The following RXRG variants were observed in gnomAD, a reference collection of about 807,000 sequenced individuals.
The protein encoded by RXRG is retinoid X receptor gamma.
A neutral mutation model predicts 49.2 loss-of-function variants in RXRG; 19 were observed. That is an observed-to-expected ratio of 0.39 (90% CI 0.27 to 0.57). RXRG has a LOEUF of 0.57. RXRG is among the 20% of genes least tolerant of loss of function. The probability of loss-of-function intolerance (pLI) is 0.64; values close to 1 mark genes in which losing one functional copy is unlikely to be tolerated. For missense variants in RXRG, 452 were observed against 592.5 expected, an observed-to-expected ratio of 0.76 and a Z score of 2.46; for synonymous variants, 224 against 216.6, an observed-to-expected ratio of 1.03 and a Z score of -0.30.
chr1:165,430,348 A>C lies in RXRG; in HGVS notation c.50-1382T>G, dbSNP rs143630719. On this transcript the variant is annotated intron_variant, in intron 1 of 9. Transcript: ENST00000359842. ...CTTTGGGCAACATCAGTGGGTGCTA[A>C]GTGTAATGTCAGGAGTAGGATGCTA... is the stretch of plus-strand genomic sequence containing the variant. Among the ~76,000 whole-genome samples the C allele has an allele frequency of 4.8e-3, 738 of 152,354 alleles. 5 individuals carry two copies. The highest frequency in any genetic ancestry group is 0.017 in the African/African-American group (707 of 41,586).
At chr1:165,415,446 C>T (rs1188675274) in intron 4 of RXRG, among the ~76,000 whole-genome samples, 2 of 152,172 alleles carry the variant, frequency 1.3e-5, no homozygotes, top group Non-Finnish European at 2.9e-5. Flanking sequence ...TTCAAAGCCT[C>T]CCTCTGGCTA....
chr1:165,409,449 A>C, intron 7 of RXRG, 109 bp downstream of exon 7: 1 of 1,237,364 alleles, frequency 8.1e-7, no homozygotes, highest in African/African-American at 1.6e-5. Context: ...CACTACCCAG[A>C]GGTTCATGCC....
At chr1:165,406,947 T>C (rs756713103) in intron 8 of RXRG, 30 bp from the exon 9 acceptor site, 3 of 1,485,874 alleles carry the variant, frequency 2.0e-6, no homozygotes, top group African/African-American at 2.8e-5. Flanking sequence ...TAGCCTTTGA[T>C]TACACACCCT....
At chr1:165,413,484 AG>A (rs1405482011) in intron 4 of RXRG, among the ~76,000 whole-genome samples, 6 of 152,220 alleles carry the variant, frequency 3.9e-5, no homozygotes, top group Admixed American at 1.3e-4. Context: ...GGCATGTGGT[AG>A]GCCATGATGG....
chr1:165,415,700 G>A (rs1393750622), intron 4 of RXRG, among the ~76,000 whole-genome samples: 2 of 152,168 alleles, frequency 1.3e-5, no homozygotes, highest in Non-Finnish European at 2.9e-5. Context: ...GAAAATAAGT[G>A]GCCATTTCCT....
intron 4 of RXRG, among the ~76,000 whole-genome samples, chr1:165,413,202 C>T (rs1223874771): frequency 6.6e-6 from 1 of 152,130 alleles, no homozygotes; most frequent in Non-Finnish European, 1.5e-5. Context: ...ACTTGTCAGA[C>T]ATTCTGAGCT....
rs1657552128 is a variant in RXRG, at chr1:165,401,183, G to A, written c.*80C>T. On this transcript the variant is annotated 3_prime_UTR_variant, in exon 10 of 10. Coordinates refer to ENST00000359842, the MANE Select transcript of RXRG (RefSeq NM_006917.5). The stretch of plus-strand genomic sequence containing the variant: ...GACAGGAAGGGGGTCAGGGTGGGAG[G>A]TGGAGGAAAGTGCAGGGTGGGGGTC... 5 of 1,371,214 alleles carry A rather than the reference G, an allele frequency of 3.6e-6. No homozygotes were observed. The highest frequency in any genetic ancestry group is 5.1e-6 in the Non-Finnish European group (5 of 984,838). 84.9% of individuals were successfully genotyped at this position (1,371,214 alleles called of 1,614,324 possible).
chr1:165,424,748 T>TA, intron 2 of RXRG: 1 of 985,046 alleles, frequency 1.0e-6, no homozygotes, highest in Non-Finnish European at 1.2e-6. Flanking sequence ...AAATTGTACT[T>TA]ACGCGAGAAC....
At chr1:165,433,653 C>A (rs528549091) in intron 1 of RXRG, among the ~76,000 whole-genome samples, 1 of 152,320 alleles carries the variant, frequency 6.6e-6, no homozygotes, top group Non-Finnish European at 1.5e-5. Flanking sequence ...AAGGAGCTGG[C>A]ACTCAGTGAC....
intron 4 of RXRG, among the ~76,000 whole-genome samples, chr1:165,415,767 T>A (rs1490523418): frequency 1.3e-5 from 2 of 152,176 alleles, no homozygotes; most frequent in African/African-American, 4.8e-5. Flanking sequence ...TTTCAGGAGC[T>A]GAGATTTGGG....
chr1:165,420,851 C>A (rs1658289372), intron 2 of RXRG, among the ~76,000 whole-genome samples: 2 of 152,162 alleles, frequency 1.3e-5, no homozygotes, highest in South Asian at 4.1e-4. Context: ...ATCAAGGAGT[C>A]AGAACATGCA....
chr1:165,428,659 G>A, intron 2 of RXRG, 60 bp downstream of exon 2: 1 of 1,526,448 alleles, frequency 6.6e-7, no homozygotes, highest in African/African-American at 1.4e-5. Flanking sequence ...TGCTCCAGGA[G>A]CAGCCTGGGT....
At chr1:165,417,813 G>C (rs543029157) in intron 3 of RXRG, among the ~76,000 whole-genome samples, 2 of 152,244 alleles carry the variant, frequency 1.3e-5, no homozygotes, top group African/African-American at 4.8e-5. Flanking sequence ...GATAGAAGCT[G>C]ATTTTGCAGC....
chr1:165,410,465 T>C (rs554983638), intron 6 of RXRG, among the ~76,000 whole-genome samples: 59 of 152,338 alleles, frequency 3.9e-4, no homozygotes, highest in African/African-American at 1.4e-3. Context: ...AATGATTTAA[T>C]AGTCTTTTTA....
intron 4 of RXRG, among the ~76,000 whole-genome samples, chr1:165,413,227 C>T (rs1357680166): frequency 2.0e-5 from 3 of 152,272 alleles, no homozygotes; most frequent in East Asian, 1.9e-4. Flanking sequence ...TTACGACACA[C>T]ATCAGGGTAC....
chr1:165,408,491 T>C (rs1317070737), intron 7 of RXRG, among the ~76,000 whole-genome samples, 173 bp from the exon 8 acceptor site: 1 of 152,112 alleles, frequency 6.6e-6, no homozygotes, highest in Non-Finnish European at 1.5e-5. Flanking sequence ...GAGATTACAG[T>C]TTAACTAAAG....
At position 165,444,971 on chromosome 1, in the gene RXRG, G is replaced by A. The variant is rs1659115634; in HGVS notation, c.-78C>T. 7 of 1,404,388 alleles carry A rather than the reference G, an allele frequency of 5.0e-6. No individual in the cohort carries two copies. In the Admixed American group the frequency reaches 8.4e-5, roughly 17 times the overall value. The allele number at this position is 1,404,388 out of a possible 1,614,324, so 87.0% of individuals were successfully genotyped here. Reference sequence around the variant, plus strand: ...CTCTCTCGGCTCCCAGGCACAGCCCGGCTTTCTTCAACTTGGGCTAACAAG... The same window carrying A: ...CTCTCTCGGCTCCCAGGCACAGCCCAGCTTTCTTCAACTTGGGCTAACAAG... On this transcript the variant is annotated 5_prime_UTR_variant, in exon 1 of 10. Coordinates refer to ENST00000359842, the MANE Select transcript of RXRG (RefSeq NM_006917.5).
At chr1:165,422,494 A>AAG (rs1658354151) in intron 2 of RXRG, among the ~76,000 whole-genome samples, 2 of 117,842 alleles carry the variant, frequency 1.7e-5, no homozygotes, top group African/African-American at 5.3e-5. Flanking sequence ...TTGAGCTGGG[A>AAG]CGACAGCCTT....
chr1:165,408,440 A>G, intron 7 of RXRG, 122 bp from the exon 8 acceptor site: 1 of 690,380 alleles, frequency 1.4e-6, no homozygotes, highest in Non-Finnish European at 2.6e-6. Context: ...ACCAGTTACT[A>G]GGGGTACAGA....
Sources: allele counts gnomAD v4.1 joint callset (sites outside exome capture counted in the v4.1 genomes callset), GRCh38; gene constraint gnomAD v4.1.1; transcripts MANE v1.5; gene names NCBI Gene and HGNC (gene_info 2026-07-23, HGNC 2026-07-21).